Variants in ICE2 observed in about 807,000 individuals in gnomAD.
The protein encoded by ICE2 is interactor of little elongation complex ELL subunit 2.
In ICE2, 87 loss-of-function variants were observed where a neutral mutation model predicts 105.4. The ratio of observed to expected loss-of-function variants is 0.83; its 90% confidence interval spans 0.69 to 0.99. The LOEUF (loss-of-function observed/expected upper bound fraction) is 0.99. ICE2 is among the 50% of genes least tolerant of loss of function. The pLI, the probability that ICE2 is intolerant of heterozygous loss-of-function variation, is 0.00. For missense variants in ICE2, 1,323 were observed against 1,146.7 expected (o/e 1.15, Z -2.22); for synonymous variants, 399 against 392.0 (o/e 1.02, Z -0.21).
intron 5 of ICE2, among the ~76,000 whole-genome samples, chr15:60,462,541 T>G (rs1266162767): frequency 2.0e-5 from 3 of 152,054 alleles, no homozygotes; most frequent in Non-Finnish European, 4.4e-5. Flanking sequence ...TTTTAACTTG[T>G]CAATAGAAAA....
intron 4 of ICE2, among the ~76,000 whole-genome samples, chr15:60,467,003 T>C (rs1007941511): frequency 1.3e-5 from 2 of 152,224 alleles, no homozygotes; most frequent in Non-Finnish European, 2.9e-5. Context: ...AATTTATTTT[T>C]TTGAGACAGA....
intron 3 of ICE2, among the ~76,000 whole-genome samples, chr15:60,475,246 C>T (rs1312350102): frequency 6.6e-6 from 1 of 151,926 alleles, no homozygotes; most frequent in Non-Finnish European, 1.5e-5. Flanking sequence ...GATCAAAAAG[C>T]AAAGAAGAGC....
rs1458492545 is a variant in ICE2 at position 60,422,456 on chromosome 15, T to G, written c.*1178A>C. ...TGTAGTTTCTTAAGTCCAAATTTGC[T>G]ACAGCAACATCAGTTGATTATGCCC... On this transcript the variant is annotated 3_prime_UTR_variant, in exon 16 of 16. Coordinates refer to ENST00000261520, the MANE Select transcript of ICE2 (RefSeq NM_024611.6). 1 of 152,158 alleles carries G rather than the reference T, an allele frequency of 6.6e-6. No individual in the cohort carries two copies. The highest frequency in any genetic ancestry group is 1.5e-5 in the Non-Finnish European group (1 of 68,058). The allele number at this position is 152,158 out of a possible 1,614,324, so 9.4% of individuals were successfully genotyped here. A position where few individuals can be genotyped will look rare whatever the true frequency, so the allele number is the denominator to read the frequency against.
intron 12 of ICE2, chr15:60,440,194 T>C (rs1343420187): frequency 6.6e-6 from 1 of 152,228 alleles, no homozygotes; most frequent in Admixed American, 6.5e-5. Flanking sequence ...CTGTTACTTA[T>C]GTAGTGATCT....
At chr15:60,474,846 G>A (rs952782402) in intron 3 of ICE2, among the ~76,000 whole-genome samples, 2 of 152,174 alleles carry the variant, frequency 1.3e-5, no homozygotes, top group African/African-American at 4.8e-5. Flanking sequence ...AGTTGGCCAG[G>A]CAGAGTGGCT....
At chr15:60,447,309 A>G (rs1184996876) in intron 11 of ICE2, among the ~76,000 whole-genome samples, 1 of 152,234 alleles carries the variant, frequency 6.6e-6, no homozygotes, top group Non-Finnish European at 1.5e-5. Flanking sequence ...ATGGAAATCC[A>G]AATTCCCAGA....
chr15:60,428,388 TAAAC>T lies in ICE2; in HGVS notation c.2820+37_2820+40del, dbSNP rs773492512. Reference sequence around the variant, plus strand: ...TAAAGTCAGTGAAATAGACGAATAATAAACAACCTAATGAACCTTTAATTTCAAA... The same window carrying T: ...TAAAGTCAGTGAAATAGACGAATAATAACCTAATGAACCTTTAATTTCAAA... On this transcript the variant is annotated intron_variant, in intron 15 of 15. Coordinates refer to ENST00000261520, the MANE Select transcript of ICE2 (RefSeq NM_024611.6). 47 of 1,585,306 alleles carry T rather than the reference TAAAC, an allele frequency of 3.0e-5. No individual in the cohort carries two copies. The East Asian group carries it at 4.0e-4, about 14-fold the overall frequency.
At chr15:60,467,045 T>G (rs1454803378) in intron 4 of ICE2, among the ~76,000 whole-genome samples, 3 of 152,198 alleles carry the variant, frequency 2.0e-5, no homozygotes, top group Non-Finnish European at 2.9e-5. Context: ...TGGAGTGCAG[T>G]GGCACGATTT....
intron 15 of ICE2, among the ~76,000 whole-genome samples, chr15:60,425,572 T>C (rs970557397): frequency 1.1e-4 from 17 of 152,036 alleles, no homozygotes; most frequent in African/African-American, 3.6e-4. Context: ...CTTGATGCAG[T>C]AGGGAGGCAG....
Position 60,449,725 on chromosome 15 carries a change from T to A in ICE2, c.1242A>T (p.Ser414=). 1.2e-6 allele frequency: 2 copies of A among 1,614,186 alleles called. No individual in the cohort carries two copies. The highest frequency in any genetic ancestry group is 1.7e-6 in the Non-Finnish European group (2 of 1,180,022). Residue 414 remains serine (S), a synonymous_variant, in exon 10 of 16, where the codon TCA becomes TCT. Transcript: ENST00000261520. ...AAGTACTTGCTGGACTTGGTGATTT[T>A]GATACTTTGGTGGTGGTTACTCCAA... ...ETFGVTTTKV[S]KSPSPASTST...
At chr15:60,438,047 A>T (rs1027402472) in intron 12 of ICE2, 7 of 152,220 alleles carry the variant, frequency 4.6e-5, no homozygotes, top group African/African-American at 1.4e-4. Context: ...TGCTTTTGTT[A>T]TAACAAGTAA....
intron 5 of ICE2, among the ~76,000 whole-genome samples, chr15:60,464,335 C>G (rs1190414279): frequency 7.5e-6 from 1 of 132,724 alleles, no homozygotes. Flanking sequence ...TGGAAGACCA[C>G]GAGTGAATAA....
Position 60,436,720 on chromosome 15 carries a change from C to CA in ICE2, c.2426-494dup, listed in dbSNP as rs58594280. The stretch of plus-strand genomic sequence containing the variant: ...GTGGTGACAGAGCCAGACTCTGTCT[C>CA]AAAAAAAAAAAAAAAAAAAAGAAAG... On this transcript the variant is annotated intron_variant, in intron 12 of 15. Coordinates refer to ENST00000261520, the MANE Select transcript of ICE2 (RefSeq NM_024611.6). 7.4e-4 allele frequency among the ~76,000 whole-genome samples: 65 copies of CA among 87,992 alleles called. 1 individual carries two copies. Among genetic ancestry groups the CA allele is most frequent in the African/African-American group, 2.1e-3 (48 of 22,692 alleles). 57.7% of individuals were successfully genotyped at this position (87,992 alleles called of 152,430 possible). A position where few individuals can be genotyped will look rare whatever the true frequency, so the allele number is the denominator to read the frequency against.
chr15:60,466,399 A>T (rs1055141729), intron 5 of ICE2, among the ~76,000 whole-genome samples, 195 bp downstream of exon 5: 1 of 152,246 alleles, frequency 6.6e-6, no homozygotes, highest in Non-Finnish European at 1.5e-5. Context: ...AAATATACAT[A>T]AAAATATACT....
chr15:60,442,771 T>C lies in ICE2; in HGVS notation c.2296-226A>G, dbSNP rs188643830. On this transcript the variant is annotated intron_variant, in intron 11 of 15. Coordinates refer to ENST00000261520, the MANE Select transcript of ICE2 (RefSeq NM_024611.6). ...GGATGAAAGAGATCTCTCCTCACCATTCCCATTTGTGACCAAAATCAACAT... is the reference window on the plus strand; with the variant it reads ...GGATGAAAGAGATCTCTCCTCACCACTCCCATTTGTGACCAAAATCAACAT... The C allele has an allele frequency of 1.7e-4, 57 of 329,778 alleles. No individual in the cohort carries two copies. In the East Asian group the frequency reaches 3.0e-3, roughly 17 times the overall value. 20.4% of individuals were successfully genotyped at this position (329,778 alleles called of 1,614,324 possible).
Position 60,463,575 on chromosome 15 carries a change from C to T in ICE2, c.528+3019G>A, listed in dbSNP as rs570377300. ...ATCGCCTGAGGTCAGGAGTTCGAGA[C>T]CAGCCTGGCCAATACGGTGAAACCC... On this transcript the variant is annotated intron_variant, in intron 5 of 15. Transcript: ENST00000261520. 5.3e-5 allele frequency among the ~76,000 whole-genome samples: 8 copies of T among 152,302 alleles called. 1 individual carries two copies. In the South Asian group the frequency reaches 1.7e-3, roughly 32 times the overall value.
rs539073168 is a variant in ICE2, at chr15:60,466,485, T to C, written c.528+109A>G. ...GAAGAAAAGACCTGTGGTTTTTAAA[T>C]TGGTAACACTGACAGTTCCGAATGC... On this transcript the variant is annotated intron_variant, in intron 5 of 15. Coordinates refer to ENST00000261520, the MANE Select transcript of ICE2 (RefSeq NM_024611.6). 1,400 of 1,279,064 alleles carry C rather than the reference T, an allele frequency of 1.1e-3. 4 individuals are homozygous for C. Among genetic ancestry groups the C allele is most frequent in the Non-Finnish European group, 1.3e-3 (1,155 of 922,752 alleles). The allele number at this position is 1,279,064 out of a possible 1,614,324, so 79.2% of individuals were successfully genotyped here. A position where few individuals can be genotyped will look rare whatever the true frequency, so the allele number is the denominator to read the frequency against.
chr15:60,464,978 T>C (rs1367393116), intron 5 of ICE2, among the ~76,000 whole-genome samples: 1 of 152,202 alleles, frequency 6.6e-6, no homozygotes, highest in East Asian at 1.9e-4. Flanking sequence ...CACTCCAGCC[T>C]GGACTATGAC....
At chr15:60,453,117 A>T (rs11071535) in intron 9 of ICE2, 420,677 of 606,820 alleles carry the variant, frequency 0.69, 148,056 homozygotes, top group East Asian at 0.93. Context: ...CTGTAATCTC[A>T]GCTACTCGGG....
Sources: gnomAD v4.1 joint callset for allele counts (sites outside exome capture counted in the v4.1 genomes callset) on GRCh38, gnomAD v4.1.1 for gene constraint, MANE v1.5 for transcripts, NCBI Gene and HGNC (gene_info 2026-07-23, HGNC 2026-07-21) for gene names.